Variants in RABGAP1 observed in about 807,000 individuals in gnomAD.
The protein encoded by RABGAP1 is RAB GTPase activating protein 1.
RABGAP1 carries 23 observed loss-of-function variants against 137.6 expected under a neutral mutation model. The ratio of observed to expected loss-of-function variants is 0.17; its 90% CI spans 0.12 to 0.24. The LOEUF (loss-of-function observed/expected upper bound fraction) is 0.24. Ranked by LOEUF, RABGAP1 falls within the 10% of genes least tolerant of loss-of-function variation. RABGAP1 has a pLI of 1.00. For missense variants in RABGAP1, 906 were observed against 1,275.8 expected (o/e 0.71, Z 4.42); for synonymous variants, 451 against 450.7 (o/e 1.00, Z -0.01).
chr9:122,990,769 C>CAA lies in RABGAP1; in HGVS notation c.923+583_923+584dup, dbSNP rs869120702. 6.9e-4 allele frequency: 11 copies of CAA among 15,912 alleles called. 2 individuals are homozygous for CAA. The highest frequency in any genetic ancestry group is 3.4e-3 in the African/African-American group (8 of 2,380). 1.0% of individuals were successfully genotyped at this position (15,912 alleles called of 1,614,324 possible). On this transcript the variant is annotated intron_variant, in intron 6 of 25. Coordinates refer to ENST00000373647, the MANE Select transcript of RABGAP1 (RefSeq NM_012197.4). ...GGGCAACGAGAACGAAACTCCGTCT[C>CAA]AAAAAAAAAAAAAAAAAAAAAAAAA...
chr9:122,944,118 C>G (rs557318538), intron 1 of RABGAP1, among the ~76,000 whole-genome samples: 1 of 152,246 alleles, frequency 6.6e-6, no homozygotes, highest in East Asian at 1.9e-4. Flanking sequence ...TGTAAAAACA[C>G]TGGTTTGCTA....
At chr9:123,090,122 T>G (rs1285975235) in intron 20 of RABGAP1, among the ~76,000 whole-genome samples, 153 bp from the exon 21 acceptor site, 1 of 152,184 alleles carries the variant, frequency 6.6e-6, no homozygotes, top group East Asian at 1.9e-4. Flanking sequence ...AGCTAGAAAA[T>G]AAGAAATTGT....
At chr9:122,967,156 AGATT>A (rs1835203983) in intron 2 of RABGAP1, among the ~76,000 whole-genome samples, 1 of 152,338 alleles carries the variant, frequency 6.6e-6, no homozygotes, top group East Asian at 1.9e-4. Flanking sequence ...TTTGGCTAAT[AGATT>A]GATTTAGATA....
chr9:122,960,333 A>G (rs186000433), intron 2 of RABGAP1, among the ~76,000 whole-genome samples: 1 of 152,340 alleles, frequency 6.6e-6, no homozygotes, highest in East Asian at 1.9e-4. Context: ...TCAGACAGCA[A>G]TTAGTGTAAT....
At chr9:123,078,980 A>G (rs868522302) in intron 19 of RABGAP1, among the ~76,000 whole-genome samples, 2 of 152,056 alleles carry the variant, frequency 1.3e-5, no homozygotes, top group African/African-American at 4.8e-5. Flanking sequence ...TTTTCTTTCC[A>G]AATGTTTTTT....
At chr9:123,006,500 C>G (rs2030278017) in intron 10 of RABGAP1, among the ~76,000 whole-genome samples, 1 of 152,176 alleles carries the variant, frequency 6.6e-6, no homozygotes. Context: ...CTACACTTAT[C>G]ATATATGAAA....
intron 14 of RABGAP1, among the ~76,000 whole-genome samples, chr9:123,068,695 C>CTG (rs10654427): frequency 0.98 from 148,796 of 152,290 alleles, 72,789 homozygotes; most frequent in Non-Finnish European, 1. Context: ...ATCAGATAAA[C>CTG]TGAAGAAATG....
At position 122,989,507 on chromosome 9, in the gene RABGAP1, C is replaced by G. The variant is rs758561128; in HGVS notation, c.765+36C>G. ...AAGAGAAAACTCTCTGCAAATGAAACTTCACCAGTGCCCTCACTAGGTTGA... is the reference window on the plus strand; with the variant it reads ...AAGAGAAAACTCTCTGCAAATGAAAGTTCACCAGTGCCCTCACTAGGTTGA... On this transcript the variant is annotated intron_variant, in intron 5 of 25. Transcript: ENST00000373647. 3.1e-5 allele frequency: 49 copies of G among 1,589,108 alleles called. No homozygotes were observed. The Admixed American group carries it at 7.8e-4, about 25-fold the overall frequency.
intron 1 of RABGAP1, among the ~76,000 whole-genome samples, chr9:122,946,578 A>T (rs1190179674): frequency 6.6e-6 from 1 of 152,236 alleles, no homozygotes; most frequent in Non-Finnish European, 1.5e-5. Flanking sequence ...TGACCTTGTG[A>T]ATGAGTAGTA....
At chr9:123,073,307 T>A (rs937107276) in intron 15 of RABGAP1, among the ~76,000 whole-genome samples, 1 of 152,220 alleles carries the variant, frequency 6.6e-6, no homozygotes, top group Non-Finnish European at 1.5e-5. Flanking sequence ...ATTTTAATAC[T>A]GGCTGTGTGA....
At chr9:122,932,605 C>T in the RABGAP1 span, among the ~76,000 whole-genome samples, 1 of 151,772 alleles carries the variant, frequency 6.6e-6, no homozygotes, top group Non-Finnish European at 1.5e-5. Context: ...TCTCGGCTCA[C>T]CGCAACCTCC....
intron 10 of RABGAP1, among the ~76,000 whole-genome samples, chr9:123,004,135 T>C (rs1290939234): frequency 3.3e-5 from 5 of 152,208 alleles, no homozygotes; most frequent in Non-Finnish European, 7.3e-5. Context: ...GTGTGTGATA[T>C]TAGGTTGTTC....
intron 13 of RABGAP1, among the ~76,000 whole-genome samples, chr9:123,027,333 C>G (rs962502011): frequency 7.9e-5 from 12 of 152,108 alleles, no homozygotes; most frequent in Non-Finnish European, 8.8e-5. Flanking sequence ...CCAGGATGGC[C>G]TCGATCTCTT....
intron 2 of RABGAP1, among the ~76,000 whole-genome samples, chr9:122,960,277 A>G (rs753492110): frequency 2.0e-5 from 3 of 152,228 alleles, no homozygotes; most frequent in South Asian, 2.1e-4. Flanking sequence ...GACTTAGACT[A>G]TGGAACAGTT....
chr9:123,022,729 A>G (rs945642201), intron 13 of RABGAP1, among the ~76,000 whole-genome samples: 4 of 152,086 alleles, frequency 2.6e-5, no homozygotes, highest in Admixed American at 1.3e-4. Context: ...ATGAATATAT[A>G]TTAATTTAAA....
intron 13 of RABGAP1, chr9:123,034,224 T>C (rs947638768): frequency 5.9e-5 from 18 of 306,248 alleles, no homozygotes; most frequent in African/African-American, 3.7e-4. Flanking sequence ...TCTTCTTCCC[T>C]TCTCTTCTAC....
chr9:123,039,921 A>G (rs1474197365), intron 13 of RABGAP1, among the ~76,000 whole-genome samples: 15 of 152,070 alleles, frequency 9.9e-5, no homozygotes, highest in Non-Finnish European at 4.4e-5. Flanking sequence ...TTACCACACT[A>G]TTGGTCATGT....
chr9:122,933,421 GTTATATC>G, the RABGAP1 span, among the ~76,000 whole-genome samples: 6 of 146,914 alleles, frequency 4.1e-5, no homozygotes, highest in East Asian at 9.7e-4. Flanking sequence ...CTATTTGCAT[GTTATATC>G]TTTTTTCATT....
intron 19 of RABGAP1, among the ~76,000 whole-genome samples, chr9:123,083,617 G>A (rs1250375139): frequency 1.3e-5 from 2 of 152,190 alleles, no homozygotes; most frequent in Non-Finnish European, 2.9e-5. Flanking sequence ...GATCTTTGAA[G>A]GAGTTTGAGT....
Sources: gnomAD v4.1 joint callset for allele counts (sites outside exome capture counted in the v4.1 genomes callset) on GRCh38, gnomAD v4.1.1 for gene constraint, MANE v1.5 for transcripts, NCBI Gene and HGNC (gene_info 2026-07-23, HGNC 2026-07-21) for gene names.